Variants in ATRNL1 observed in about 807,000 individuals in gnomAD.
ATRNL1 encodes attractin like 1, also known as attractin-like protein 1.
A neutral mutation model predicts 182.7 loss-of-function variants in ATRNL1; 95 were observed. The observed-to-expected ratio is 0.52, with a 90% CI of 0.44 to 0.62. The LOEUF is 0.62. Ranked by LOEUF, ATRNL1 falls within the 20% of genes least tolerant of loss-of-function variation. ATRNL1 has a pLI of 0.00. For synonymous variants in ATRNL1, 576 were observed against 568.3 expected, an observed-to-expected ratio of 1.01 and a Z score of -0.19; for missense variants, 1,471 against 1,679.5, an observed-to-expected ratio of 0.88 and a Z score of 2.17.
intron 22 of ATRNL1, among the ~76,000 whole-genome samples, chr10:115,465,786 C>A (rs1237218092): frequency 2.0e-5 from 3 of 151,496 alleles, no homozygotes; most frequent in African/African-American, 7.2e-5. Flanking sequence ...ATGTACTACT[C>A]TAAAAATATG....
chr10:115,115,227 G>A (rs1033223272), intron 1 of ATRNL1, among the ~76,000 whole-genome samples: 1 of 151,968 alleles, frequency 6.6e-6, no homozygotes, highest in South Asian at 2.1e-4. Flanking sequence ...GAAGCTGTGG[G>A]TGGTGGTCAG....
chr10:115,789,267 C>A (rs1213541732), intron 27 of ATRNL1, among the ~76,000 whole-genome samples: 2 of 152,086 alleles, frequency 1.3e-5, no homozygotes, highest in Non-Finnish European at 2.9e-5. Context: ...TAGAAATAGG[C>A]AAATTTGTTT....
intron 21 of ATRNL1, among the ~76,000 whole-genome samples, chr10:115,440,961 A>G (rs1846644180): frequency 6.6e-6 from 1 of 151,930 alleles, no homozygotes; most frequent in Non-Finnish European, 1.5e-5. Context: ...TACTTCATTG[A>G]GAAAATATAA....
intron 26 of ATRNL1, among the ~76,000 whole-genome samples, chr10:115,563,915 A>C (rs181526667): frequency 6.6e-6 from 1 of 152,040 alleles, no homozygotes; most frequent in Non-Finnish European, 1.5e-5. Flanking sequence ...TATAATTAGA[A>C]AAAAAGGCCT....
At chr10:115,929,461 A>G (rs1165674223) in intron 28 of ATRNL1, among the ~76,000 whole-genome samples, 1 of 152,138 alleles carries the variant, frequency 6.6e-6, no homozygotes, top group Non-Finnish European at 1.5e-5. Context: ...AAACAATAAA[A>G]TTTAAACTGA....
At chr10:115,129,890 G>T (rs1015024979) in intron 5 of ATRNL1, among the ~76,000 whole-genome samples, 1 of 151,988 alleles carries the variant, frequency 6.6e-6, no homozygotes, top group Non-Finnish European at 1.5e-5. Context: ...ATTTATAAGG[G>T]TAATATAAAT....
chr10:115,471,371 A>G (rs2134572947), intron 24 of ATRNL1, among the ~76,000 whole-genome samples: 1 of 150,972 alleles, frequency 6.6e-6, no homozygotes, highest in East Asian at 1.9e-4. Flanking sequence ...CAGTGGTGGG[A>G]TTGCTGGATC....
At chr10:115,525,919 A>G (rs1184798056) in intron 25 of ATRNL1, among the ~76,000 whole-genome samples, 2 of 152,092 alleles carry the variant, frequency 1.3e-5, no homozygotes, top group Non-Finnish European at 2.9e-5. Context: ...TAAATCTTGC[A>G]TCCGTATCAA....
At chr10:115,737,278 C>G (rs868978046) in intron 27 of ATRNL1, among the ~76,000 whole-genome samples, 89 of 149,436 alleles carry the variant, frequency 6.0e-4, no homozygotes, top group Admixed American at 8.6e-4. Context: ...ATCCCCCCCC[C>G]CCAAAAAAAA....
intron 27 of ATRNL1, among the ~76,000 whole-genome samples, chr10:115,764,699 G>A (rs2960702): frequency 0.95 from 144,600 of 152,156 alleles, 69,124 homozygotes; most frequent in East Asian, 1. Context: ...TTGAGATGGA[G>A]TCTCACTCTG....
intron 28 of ATRNL1, among the ~76,000 whole-genome samples, chr10:115,896,817 T>G (rs781977806): frequency 1.3e-4 from 20 of 152,166 alleles, no homozygotes; most frequent in Non-Finnish European, 2.1e-4. Flanking sequence ...TTATATTAAT[T>G]TTTAAGTTCC....
intron 21 of ATRNL1, among the ~76,000 whole-genome samples, chr10:115,459,765 T>A (rs1158890666): frequency 4.6e-5 from 7 of 152,088 alleles, no homozygotes; most frequent in African/African-American, 1.7e-4. Flanking sequence ...TCCCTCCCCT[T>A]TTGAAACTCC....
intron 27 of ATRNL1, among the ~76,000 whole-genome samples, chr10:115,786,135 C>T (rs2134200934): frequency 6.6e-6 from 1 of 152,250 alleles, no homozygotes; most frequent in African/African-American, 2.4e-5. Context: ...ATTTATATTT[C>T]TACTAATATT....
intron 9 of ATRNL1, among the ~76,000 whole-genome samples, chr10:115,233,404 AT>A (rs1850042216): frequency 1.3e-5 from 2 of 152,240 alleles, no homozygotes; most frequent in South Asian, 4.1e-4. Context: ...AGTTTGCTGT[AT>A]TTTTGTAATT....
At chr10:115,584,762 GA>G (rs1410027548) in intron 26 of ATRNL1, among the ~76,000 whole-genome samples, 1 of 151,940 alleles carries the variant, frequency 6.6e-6, no homozygotes, top group Non-Finnish European at 1.5e-5. Context: ...GTTTTGCTCT[GA>G]CTTTAGTTAT....
chr10:115,200,123 C>T (rs1353785747), intron 8 of ATRNL1, among the ~76,000 whole-genome samples: 2 of 151,784 alleles, frequency 1.3e-5, no homozygotes, highest in African/African-American at 4.8e-5. Flanking sequence ...AAATACAGTT[C>T]AGTTTTATCA....
At chr10:115,630,324 A>G (rs781849240) in intron 26 of ATRNL1, among the ~76,000 whole-genome samples, 9 of 152,116 alleles carry the variant, frequency 5.9e-5, no homozygotes, top group African/African-American at 2.2e-4. Context: ...ATTATCTTAC[A>G]TCTGATAGGA....
chr10:115,743,584 G>T (rs927255546), intron 27 of ATRNL1, among the ~76,000 whole-genome samples: 21 of 152,086 alleles, frequency 1.4e-4, no homozygotes, highest in Non-Finnish European at 4.4e-5. Flanking sequence ...CCCTATTCTT[G>T]TGAATAACAG....
At chr10:115,712,609 G>A (rs1216816300) in intron 26 of ATRNL1, among the ~76,000 whole-genome samples, 2 of 152,124 alleles carry the variant, frequency 1.3e-5, no homozygotes, top group Non-Finnish European at 1.5e-5. Flanking sequence ...GCTCATGCCT[G>A]TAATCCTAGC....
Sources: allele counts gnomAD v4.1 joint callset (sites outside exome capture counted in the v4.1 genomes callset), GRCh38; gene constraint gnomAD v4.1.1; transcripts MANE v1.5; gene names NCBI Gene and HGNC (gene_info 2026-07-23, HGNC 2026-07-21).